FGFBP3: variants seen among roughly 807,000 people sequenced by gnomAD.
The protein encoded by FGFBP3 is fibroblast growth factor-binding protein 3.
In FGFBP3, 4 loss-of-function variants were observed where a neutral mutation model predicts 4.8. The ratio of observed to expected loss-of-function variants is 0.83; its 90% CI spans 0.41 to 1.90. The LOEUF is 1.90. Ranked by LOEUF, FGFBP3 falls within the 40% of genes most tolerant of loss-of-function variation. The pLI is 0.03. For synonymous variants in FGFBP3, 215 were observed against 190.0 expected, an observed-to-expected ratio of 1.13 and a Z score of -1.08; for missense variants, 429 against 397.4, an observed-to-expected ratio of 1.08 and a Z score of -0.68.
rs759781653 is a variant in FGFBP3 at position 91,908,350 on chromosome 10, C to T, written c.620G>A (p.Gly207Asp). The T allele has an allele frequency of 6.3e-7, 1 of 1,594,974 alleles. No individual in the cohort carries two copies. The highest frequency in any genetic ancestry group is 8.5e-7 in the Non-Finnish European group (1 of 1,171,804). ...GGGGACCAAGGCCGCCTTCCTCTTGCCCTCGTTGGTCTTCCTCTCTGAGGG... is the reference window on the plus strand; with the variant it reads ...GGGGACCAAGGCCGCCTTCCTCTTGTCCTCGTTGGTCTTCCTCTCTGAGGG... ...ENPSERKTNE[G>D]KRKAALVPNE... The change falls in exon 2 of 2, where the codon GGC (glycine) becomes GAC (aspartate). Residue 207 changes from glycine (G) to aspartate (D), a missense_variant. Physicochemically the swap from Gly to Asp is moderately conservative, Grantham distance 94 (BLOSUM62 -1). Coordinates refer to ENST00000311575, the MANE Select transcript of FGFBP3 (RefSeq NM_152429.5).
intron 1 of FGFBP3, 43 bp downstream of exon 1, chr10:91,909,355 A>G (rs766419503): frequency 1.1e-4 from 24 of 226,042 alleles, no homozygotes; most frequent in Non-Finnish European, 1.5e-4. Flanking sequence ...ATCATTTCAG[A>G]TGATTCCTTG....
Sources: gnomAD v4.1 joint callset for allele counts on GRCh38, gnomAD v4.1.1 for gene constraint, MANE v1.5 for transcripts, NCBI Gene and HGNC (gene_info 2026-07-23, HGNC 2026-07-21) for gene names.